SLC39A11: variants seen among roughly 807,000 people sequenced by gnomAD.
SLC39A11 encodes solute carrier family 39 member 11.
Under a neutral mutation model 36.1 loss-of-function variants are expected in SLC39A11, and 33 were observed. The ratio of observed to expected loss-of-function variants is 0.91; its 90% CI spans 0.69 to 1.22. The LOEUF (loss-of-function observed/expected upper bound fraction) is 1.22. SLC39A11 is among the 50% of genes most tolerant of loss of function. The pLI is 0.00. For synonymous variants in SLC39A11, 166 were observed against 170.3 expected (o/e 0.97, Z 0.20); for missense variants, 432 against 430.3 (o/e 1.00, Z -0.03).
chr17:72,785,256 C>A (rs1453827322), intron 6 of SLC39A11, among the ~76,000 whole-genome samples: 1 of 152,124 alleles, frequency 6.6e-6, no homozygotes, highest in Non-Finnish European at 1.5e-5. Context: ...AGGATGAGGG[C>A]TTAGAAGGGA....
At position 72,687,419 on chromosome 17, in the gene SLC39A11, A is replaced by AT. The variant is rs979484608; in HGVS notation, c.672-38152dup. ...CCAACACGCCCAGCTAATTTTTTGT[A>AT]TTTTTAGTAGAGATGGGGTTTCACC... On this transcript the variant is annotated intron_variant, in intron 7 of 9. Coordinates refer to ENST00000255559, the MANE Select transcript of SLC39A11 (RefSeq NM_139177.4). Among the ~76,000 whole-genome samples the AT allele has an allele frequency of 2.6e-4, 39 of 152,060 alleles. 1 individual carries two copies.
Position 72,849,670 on chromosome 17 carries a change from G to A in SLC39A11, c.565C>T (p.Leu189=). The A allele has an allele frequency of 6.2e-7, 1 of 1,603,876 alleles. No individual in the cohort carries two copies. Among genetic ancestry groups the A allele is most frequent in the Non-Finnish European group, 8.5e-7 (1 of 1,175,802 alleles). ...TGTATAGTGATGGCCAAGATGAGCA[G>A]TGCGATCCTCCTCCAGCTGCTGCCG... The part of the protein sequence containing the change: ...PGGSSWRRIA[L]LILAITIHNV... Residue 189 remains leucine (L), a synonymous_variant, in exon 6 of 10, where the codon CTG becomes TTG. Transcript: ENST00000255559.
chr17:72,929,788 T>C (rs946997212), intron 5 of SLC39A11, among the ~76,000 whole-genome samples: 1 of 152,036 alleles, frequency 6.6e-6, no homozygotes, highest in Non-Finnish European at 1.5e-5. Flanking sequence ...AAGCACTCTA[T>C]AGAATAAAGA....
chr17:72,802,803 G>C (rs2077134723), intron 6 of SLC39A11, among the ~76,000 whole-genome samples: 1 of 152,170 alleles, frequency 6.6e-6, no homozygotes, highest in South Asian at 2.1e-4. Flanking sequence ...GAAGCCAGGA[G>C]ACAAAAAGAG....
Position 72,678,734 on chromosome 17 carries a change from T to C in SLC39A11, c.672-29466A>G, listed in dbSNP as rs114393678. Among the ~76,000 whole-genome samples, 1,017 of 151,716 alleles carry C rather than the reference T, an allele frequency of 6.7e-3. 10 individuals are homozygous for C. The highest frequency in any genetic ancestry group is 0.022 in the African/African-American group (912 of 41,314). Reference sequence around the variant, plus strand: ...AAGAGCATGCCTCATGCTCTTGGGGTAGCAATCATGAAGCAGTTTAGGGAT... The same window carrying C: ...AAGAGCATGCCTCATGCTCTTGGGGCAGCAATCATGAAGCAGTTTAGGGAT... On this transcript the variant is annotated intron_variant, in intron 7 of 9. Coordinates refer to ENST00000255559, the MANE Select transcript of SLC39A11 (RefSeq NM_139177.4).
chr17:72,839,811 G>A (rs1295769933), intron 6 of SLC39A11: 1 of 152,214 alleles, frequency 6.6e-6, no homozygotes, highest in Non-Finnish European at 1.5e-5. Flanking sequence ...CATAAGTTGA[G>A]GGTTGAGGTG....
intron 6 of SLC39A11, among the ~76,000 whole-genome samples, chr17:72,832,675 GT>G (rs1332531195): frequency 2.0e-5 from 3 of 152,116 alleles, no homozygotes; most frequent in African/African-American, 7.2e-5. Context: ...TCCAACCTTG[GT>G]TAATGGTTAT....
intron 7 of SLC39A11, among the ~76,000 whole-genome samples, chr17:72,709,261 C>T (rs978541026): frequency 6.6e-6 from 1 of 152,186 alleles, no homozygotes; most frequent in South Asian, 2.1e-4. Context: ...TTTAAACTCA[C>T]TTGCCTGATG....
At chr17:73,030,407 T>C (rs888413988) in intron 4 of SLC39A11, among the ~76,000 whole-genome samples, 2 of 152,232 alleles carry the variant, frequency 1.3e-5, no homozygotes, top group African/African-American at 2.4e-5. Flanking sequence ...GGAATCGTTA[T>C]AGTTACAGAA....
At chr17:72,919,659 G>A (rs182472738) in intron 5 of SLC39A11, among the ~76,000 whole-genome samples, 155 of 140,424 alleles carry the variant, frequency 1.1e-3, no homozygotes, top group African/African-American at 4.2e-3. Flanking sequence ...GCGACAGAGG[G>A]AGAGTCCGTC....
chr17:72,970,294 T>A (rs190498064), intron 4 of SLC39A11, among the ~76,000 whole-genome samples: 2 of 152,352 alleles, frequency 1.3e-5, no homozygotes, highest in East Asian at 1.9e-4. Context: ...AGCTTAGAAC[T>A]TTCTGCTTCT....
chr17:72,891,802 TA>T (rs1363773020), intron 5 of SLC39A11, among the ~76,000 whole-genome samples: 2 of 151,282 alleles, frequency 1.3e-5, no homozygotes, highest in African/African-American at 4.8e-5. Context: ...ATTTTATATT[TA>T]AATAAAATTA....
intron 5 of SLC39A11, among the ~76,000 whole-genome samples, chr17:72,856,975 T>G (rs2079676107): frequency 6.6e-6 from 1 of 152,158 alleles, no homozygotes; most frequent in African/African-American, 2.4e-5. Flanking sequence ...GCCACCACAT[T>G]CTTTTTTAAA....
intron 6 of SLC39A11, among the ~76,000 whole-genome samples, chr17:72,785,017 G>A (rs1345410475): frequency 1.1e-4 from 17 of 151,894 alleles, no homozygotes; most frequent in African/African-American, 3.9e-4. Flanking sequence ...GCAGGCATGC[G>A]CCCCCATGCT....
At chr17:73,025,539 G>C (rs561547420) in intron 4 of SLC39A11, among the ~76,000 whole-genome samples, 25 of 152,288 alleles carry the variant, frequency 1.6e-4, no homozygotes, top group South Asian at 8.3e-4. Flanking sequence ...CTGGATGACA[G>C]AATGTTACGT....
In SLC39A11 at chr17:72,900,072, GAGAA is replaced by G. The variant is rs1237203387; in HGVS notation, c.430+47676_430+47679del. ...AAAGAGAAAGAAAGAAAGAGAGAGA[GAGAA>G]AGAGAGAAAGAGAAAGAGAAAAGAA... is the stretch of plus-strand genomic sequence containing the variant. On this transcript the variant is annotated intron_variant, in intron 5 of 9. Coordinates refer to ENST00000255559, the MANE Select transcript of SLC39A11 (RefSeq NM_139177.4). Among the ~76,000 whole-genome samples the G allele has an allele frequency of 3.4e-5, 5 of 145,232 alleles. No homozygotes were observed. The East Asian group carries it at 6.0e-4, about 17-fold the overall frequency.
At chr17:72,663,549 G>A (rs2144063349) in intron 7 of SLC39A11, among the ~76,000 whole-genome samples, 1 of 152,280 alleles carries the variant, frequency 6.6e-6, no homozygotes, top group African/African-American at 2.4e-5. Context: ...TCTAACAGCA[G>A]AGCCTAGTTA....
chr17:72,669,248 T>A (rs1004427287), intron 7 of SLC39A11, among the ~76,000 whole-genome samples: 2 of 152,184 alleles, frequency 1.3e-5, no homozygotes, highest in Non-Finnish European at 2.9e-5. Context: ...GGAAATCACA[T>A]TGGCACGACA....
At chr17:72,742,485 G>A (rs1003643606) in intron 6 of SLC39A11, among the ~76,000 whole-genome samples, 3 of 152,106 alleles carry the variant, frequency 2.0e-5, no homozygotes, top group African/African-American at 7.2e-5. Context: ...TAACACACCG[G>A]AGACCATCAG....
Sources: gnomAD v4.1 joint callset for allele counts (sites outside exome capture counted in the v4.1 genomes callset) on GRCh38, gnomAD v4.1.1 for gene constraint, MANE v1.5 for transcripts, NCBI Gene and HGNC (gene_info 2026-07-23, HGNC 2026-07-21) for gene names.